Variants in TENM1 observed in about 807,000 individuals in gnomAD.
The protein encoded by TENM1 is teneurin-1.
A neutral mutation model predicts 174.8 loss-of-function variants in TENM1; 35 were observed. The ratio of observed to expected loss-of-function variants is 0.20; its 90% CI spans 0.15 to 0.27. TENM1 has a LOEUF of 0.27. Among genes scored for constraint, TENM1 ranks in the 10% least tolerant of loss-of-function variants. The pLI is 1.00. For synonymous variants in TENM1, 781 were observed against 798.7 expected (o/e 0.98, Z 0.37); for missense variants, 1,633 against 2,130.1 (o/e 0.77, Z 4.59).
intron 27 of TENM1, among the ~76,000 whole-genome samples, chrX:124,396,628 C>T (rs368393296): frequency 3.6e-5 from 4 of 110,905 alleles, no homozygotes; most frequent in East Asian, 2.8e-4. Context: ...TGAGTGCTCA[C>T]GTGCCACCAG....
intron 3 of TENM1, among the ~76,000 whole-genome samples, chrX:124,869,443 A>C (rs2057068407): frequency 9.0e-6 from 1 of 111,416 alleles, no homozygotes; most frequent in Non-Finnish European, 1.9e-5. Context: ...AATCCCACTG[A>C]TGGGTATATA....
chrX:124,494,739 A>C (rs1475723677), intron 20 of TENM1, among the ~76,000 whole-genome samples: 2 of 103,087 alleles, frequency 1.9e-5, no homozygotes, highest in Non-Finnish European at 3.9e-5. Context: ...TTCAATTCCC[A>C]CCTATGAGTG....
At chrX:125,147,073 A>T in the TENM1 span, among the ~76,000 whole-genome samples, 1 of 109,174 alleles carries the variant, frequency 9.2e-6, no homozygotes, top group Non-Finnish European at 1.9e-5. Context: ...TCTTATTTTT[A>T]TACACACACG....
At chrX:124,734,707 T>C in intron 4 of TENM1, among the ~76,000 whole-genome samples, 1 of 111,782 alleles carries the variant, frequency 8.9e-6, no homozygotes, top group East Asian at 2.8e-4. Context: ...TAATTTAATA[T>C]GCTGCTAAAC....
At chrX:124,457,534 T>A (rs779883947) in intron 22 of TENM1, among the ~76,000 whole-genome samples, 161 of 112,256 alleles carry the variant, frequency 1.4e-3, no homozygotes, top group Non-Finnish European at 1.8e-3. Flanking sequence ...TGTCTTATTA[T>A]CCTCCAATGA....
chrX:125,035,109 T>G, the TENM1 span, among the ~76,000 whole-genome samples: 1 of 112,129 alleles, frequency 8.9e-6, no homozygotes, highest in East Asian at 2.8e-4. Context: ...GAATGCTCTC[T>G]GATTTCTTAA....
intron 3 of TENM1, among the ~76,000 whole-genome samples, chrX:124,770,901 C>T (rs1196545930): frequency 9.0e-6 from 1 of 111,630 alleles, no homozygotes; most frequent in Non-Finnish European, 1.9e-5. Flanking sequence ...ATTTCACCTA[C>T]ATATAGGAAG....
intron 3 of TENM1, among the ~76,000 whole-genome samples, chrX:124,822,582 C>G (rs1362599888): frequency 8.9e-6 from 1 of 111,748 alleles, no homozygotes; most frequent in Non-Finnish European, 1.9e-5. Context: ...TCTCAAAGGA[C>G]TTCTGATTTT....
intron 15 of TENM1, among the ~76,000 whole-genome samples, chrX:124,536,592 G>T (rs1457086463): frequency 1.8e-5 from 2 of 111,570 alleles, no homozygotes; most frequent in East Asian, 5.6e-4. Context: ...CTTGTCAAAA[G>T]TACGCTTGCT....
chrX:124,979,780 AAAAG>A, the TENM1 span, among the ~76,000 whole-genome samples: 5 of 111,525 alleles, frequency 4.5e-5, no homozygotes, highest in Admixed American at 2.9e-4. Context: ...AAGAAAAAAT[AAAAG>A]AAGGAAGGGA....
chrX:125,082,185 T>C, the TENM1 span, among the ~76,000 whole-genome samples: 1 of 110,746 alleles, frequency 9.0e-6, no homozygotes, highest in African/African-American at 3.3e-5. Context: ...GAAAGGCAAA[T>C]GTAAGTGAAA....
chrX:125,042,987 A>G, the TENM1 span, among the ~76,000 whole-genome samples: 14 of 111,579 alleles, frequency 1.3e-4, no homozygotes, highest in Non-Finnish European at 2.3e-4. Flanking sequence ...AAAGTTTAGG[A>G]ACAGGCTAAT....
At chrX:124,821,870 C>A (rs1016752378) in intron 3 of TENM1, among the ~76,000 whole-genome samples, 1 of 112,106 alleles carries the variant, frequency 8.9e-6, no homozygotes, top group African/African-American at 3.2e-5. Flanking sequence ...GCCACTTGTA[C>A]AGTAGAAAAT....
chrX:124,913,256 G>C (rs2057865859), intron 1 of TENM1, among the ~76,000 whole-genome samples: 1 of 111,056 alleles, frequency 9.0e-6, no homozygotes, highest in Non-Finnish European at 1.9e-5. Context: ...CTCTCCCCAA[G>C]CTCTTCATAT....
the TENM1 span, among the ~76,000 whole-genome samples, chrX:124,985,899 C>T: frequency 1.8e-5 from 2 of 111,256 alleles, no homozygotes; most frequent in African/African-American, 3.3e-5. Flanking sequence ...AAAAATTAAA[C>T]GTGGCACATC....
the TENM1 span, among the ~76,000 whole-genome samples, chrX:125,101,353 C>T: frequency 9.0e-6 from 1 of 111,627 alleles, no homozygotes; most frequent in Non-Finnish European, 1.9e-5. Flanking sequence ...ACAGGAAACA[C>T]TTTGGGAACC....
At chrX:124,809,064 G>A (rs186789257) in intron 3 of TENM1, among the ~76,000 whole-genome samples, 19 of 110,662 alleles carry the variant, frequency 1.7e-4, no homozygotes, top group Non-Finnish European at 1.9e-5. Context: ...TAAAATCAAC[G>A]AACCTTTAGC....
chrX:124,677,052 A>T (rs777175428), intron 5 of TENM1, among the ~76,000 whole-genome samples: 1 of 110,764 alleles, frequency 9.0e-6, no homozygotes, highest in South Asian at 3.8e-4. Flanking sequence ...AGATCACATT[A>T]ATATTTTTAT....
chrX:124,870,212 T>C (rs376381392), intron 3 of TENM1, among the ~76,000 whole-genome samples: 4 of 111,963 alleles, frequency 3.6e-5, no homozygotes, highest in African/African-American at 9.7e-5. Flanking sequence ...ATAAATCATA[T>C]ACCAAAAGTT....
Sources: gnomAD v4.1 joint callset for allele counts (sites outside exome capture counted in the v4.1 genomes callset) on GRCh38, gnomAD v4.1.1 for gene constraint, MANE v1.5 for transcripts, NCBI Gene and HGNC (gene_info 2026-07-23, HGNC 2026-07-21) for gene names.